Variants in NRDC observed in about 807,000 individuals in gnomAD.
NRDC encodes the protein nardilysin convertase.
NRDC carries 54 observed loss-of-function variants against 147.1 expected under a neutral mutation model. The observed-to-expected ratio is 0.37, with a 90% confidence interval of 0.29 to 0.46. The LOEUF (loss-of-function observed/expected upper bound fraction) is 0.46. Among genes scored for constraint, NRDC ranks in the 20% least tolerant of loss-of-function variants. The pLI is 1.00. For missense variants in NRDC, 1,082 were observed against 1,370.6 expected (o/e 0.79, Z 3.33); for synonymous variants, 440 against 482.1 (o/e 0.91, Z 1.14).
At chr1:51,862,890 A>C (rs1682610712) in intron 1 of NRDC, among the ~76,000 whole-genome samples, 2 of 151,472 alleles carry the variant, frequency 1.3e-5, no homozygotes, top group Non-Finnish European at 2.9e-5. Context: ...CGTGCCTATA[A>C]TCCCAGCTAC....
At chr1:51,867,824 C>T (rs888643397) in intron 1 of NRDC, among the ~76,000 whole-genome samples, 1 of 152,132 alleles carries the variant, frequency 6.6e-6, no homozygotes, top group Admixed American at 6.6e-5. Flanking sequence ...ACTGCAAGTA[C>T]AGATAACTCA....
intron 20 of NRDC, among the ~76,000 whole-genome samples, chr1:51,803,400 G>A (rs149063040): frequency 4.0e-5 from 6 of 151,636 alleles, no homozygotes; most frequent in Admixed American, 1.3e-4. Context: ...GATTGAACCC[G>A]GGAGGCGGAG....
At chr1:51,877,985 T>C (rs1024553097) in intron 1 of NRDC, 125 of 1,269,038 alleles carry the variant, frequency 9.8e-5, no homozygotes, top group Non-Finnish European at 1.2e-4. Flanking sequence ...TCCCTCACCA[T>C]TCAGGCTGCG....
intron 21 of NRDC, chr1:51,798,896 T>C (rs1041130622): frequency 6.6e-6 from 1 of 152,638 alleles, no homozygotes; most frequent in African/African-American, 2.4e-5. Flanking sequence ...CTGTTTGAAT[T>C]TGACAAATCT....
intron 5 of NRDC, 42 bp from the exon 6 acceptor site, chr1:51,825,424 A>G: frequency 7.3e-7 from 1 of 1,372,664 alleles, no homozygotes; most frequent in East Asian, 2.4e-5. Flanking sequence ...AAAATTCAGT[A>G]TCTCCTTTAT....
At chr1:51,852,244 C>T (rs938024489) in intron 1 of NRDC, among the ~76,000 whole-genome samples, 28 of 151,702 alleles carry the variant, frequency 1.8e-4, no homozygotes, top group Admixed American at 1.8e-3. Context: ...GAAGTCATAA[C>T]CCTGGCTAAC....
intron 23 of NRDC, 77 bp downstream of exon 23, chr1:51,794,746 C>T: frequency 6.3e-7 from 1 of 1,594,872 alleles, no homozygotes; most frequent in Admixed American, 1.7e-5. Context: ...TGTTTAGTAA[C>T]AATTAACTGA....
At chr1:51,833,278 CAG>C (rs955717329) in intron 4 of NRDC, among the ~76,000 whole-genome samples, 14 of 151,886 alleles carry the variant, frequency 9.2e-5, no homozygotes, top group Non-Finnish European at 1.5e-4. Context: ...CTGGGCAATA[CAG>C]AGAGACTCCC....
chr1:51,798,567 C>T (rs979325411), intron 21 of NRDC, 156 bp from the exon 22 acceptor site: 2 of 612,408 alleles, frequency 3.3e-6, no homozygotes, highest in Non-Finnish European at 5.4e-6. Flanking sequence ...ATCAGATTAA[C>T]CAAAAAAGTA....
intron 11 of NRDC, among the ~76,000 whole-genome samples, chr1:51,815,095 T>C (rs1335036641): frequency 6.6e-6 from 1 of 152,144 alleles, no homozygotes; most frequent in African/African-American, 2.4e-5. Flanking sequence ...TTAACAGTTT[T>C]ATTAAGCCAA....
chr1:51,833,431 C>CAAAAAAAAAAAAAAAAAA (rs1680807068), intron 4 of NRDC, among the ~76,000 whole-genome samples: 1 of 144,668 alleles, frequency 6.9e-6, no homozygotes. Context: ...ATGGCAAGAC[C>CAAAAAAAAAAAAAAAAAA]ATATCTCTTA....
chr1:51,800,236 G>A (rs1179975988), intron 21 of NRDC, among the ~76,000 whole-genome samples: 1 of 152,148 alleles, frequency 6.6e-6, no homozygotes. Context: ...GCTTCTCAAA[G>A]TGCTGGGATT....
intron 17 of NRDC, among the ~76,000 whole-genome samples, chr1:51,807,680 C>T (rs1438185719): frequency 6.6e-6 from 1 of 152,144 alleles, no homozygotes; most frequent in Non-Finnish European, 1.5e-5. Flanking sequence ...GCACTCCAAC[C>T]TGGGCAACAG....
chr1:51,829,689 T>C (rs1285550607), intron 4 of NRDC, among the ~76,000 whole-genome samples: 1 of 152,182 alleles, frequency 6.6e-6, no homozygotes, highest in African/African-American at 2.4e-5. Flanking sequence ...TTCTATCCTC[T>C]ATGCTTCATA....
rs756869929 is a variant in NRDC at position 51,791,003 on chromosome 1, A to G, written c.2961-13T>C. The G allele has an allele frequency of 3.8e-6, 6 of 1,572,930 alleles. No individual in the cohort carries two copies. Among genetic ancestry groups the G allele is most frequent in the Non-Finnish European group, 5.2e-6 (6 of 1,144,130 alleles). On this transcript the variant is annotated splice_polypyrimidine_tract_variant and intron_variant, in intron 27 of 30. Transcript: ENST00000352171. ...AACAACTTCAGAACTGAAACAAAAC[A>G]TCTTCAATCAGAACTAAAACAAAAC...
chr1:51,806,044 G>A (rs1679445659), intron 18 of NRDC, among the ~76,000 whole-genome samples: 1 of 152,144 alleles, frequency 6.6e-6, no homozygotes, highest in Admixed American at 6.5e-5. Flanking sequence ...TGAGGTTGGG[G>A]ATATGGGTTA....
At position 51,878,043 on chromosome 1, in the gene NRDC, A is replaced by T. The variant is rs1452650259; in HGVS notation, c.341+232T>A. 11 of 1,392,034 alleles carry T rather than the reference A, an allele frequency of 7.9e-6. No homozygotes were observed. The Admixed American group carries it at 1.2e-4, about 15-fold the overall frequency. The allele number at this position is 1,392,034 out of a possible 1,614,324, so 86.2% of individuals were successfully genotyped here. ...TTGCTTTAGCGACTGTATTCAAATG[A>T]CTCGAAAAGCTTCTCCCATTCTGAC... On this transcript the variant is annotated intron_variant, in intron 1 of 30. Transcript: ENST00000352171.
At chr1:51,840,107 C>T in intron 2 of NRDC, 119 bp downstream of exon 2, 3 of 747,396 alleles carry the variant, frequency 4.0e-6, no homozygotes, top group Non-Finnish European at 6.7e-6. Flanking sequence ...ACAGAATAGA[C>T]CTTTACTGAA....
At chr1:51,858,471 TAA>T (rs79682328) in intron 1 of NRDC, among the ~76,000 whole-genome samples, 92 of 121,904 alleles carry the variant, frequency 7.5e-4, no homozygotes, top group Non-Finnish European at 9.5e-4. Context: ...ACCCTGTCTT[TAA>T]AAAAAAAAAA....
Sources: gnomAD v4.1 joint callset for allele counts (sites outside exome capture counted in the v4.1 genomes callset) on GRCh38, gnomAD v4.1.1 for gene constraint, MANE v1.5 for transcripts, NCBI Gene and HGNC (gene_info 2026-07-23, HGNC 2026-07-21) for gene names.